SPTLC3: variants seen among roughly 807,000 people sequenced by gnomAD.
SPTLC3 encodes serine palmitoyltransferase long chain base subunit 3.
SPTLC3 carries 36 observed loss-of-function variants against 59.3 expected under a neutral mutation model. That is an observed-to-expected ratio of 0.61 (90% CI 0.47 to 0.80). The LOEUF is 0.80. Among genes scored for constraint, SPTLC3 ranks in the 30% least tolerant of loss-of-function variants. SPTLC3 has a pLI of 0.00. For missense variants in SPTLC3, 625 were observed against 685.1 expected, an observed-to-expected ratio of 0.91 and a Z score of 0.98; for synonymous variants, 257 against 240.8, an observed-to-expected ratio of 1.07 and a Z score of -0.62.
In SPTLC3 at chr20:13,019,588, T is replaced by C. The variant is rs1210791207; in HGVS notation, c.117+10204T>C. ...TGAGGAACTCTTATGACCAGCTACA[T>C]ACACTAGATTTCCTTGACTAACCCA... On this transcript the variant is annotated intron_variant, in intron 1 of 11. Coordinates refer to ENST00000399002, the MANE Select transcript of SPTLC3 (RefSeq NM_018327.4). 5.9e-5 allele frequency among the ~76,000 whole-genome samples: 9 copies of C among 152,222 alleles called. No homozygotes were observed. In the South Asian group the frequency reaches 1.4e-3, roughly 24 times the overall value.
chr20:13,087,080 G>A (rs1457861114), intron 4 of SPTLC3, among the ~76,000 whole-genome samples: 1 of 152,158 alleles, frequency 6.6e-6, no homozygotes, highest in Non-Finnish European at 1.5e-5. Flanking sequence ...ATAGGCATGA[G>A]CCACTGTGCC....
At chr20:13,052,962 G>T (rs1242743136) in intron 2 of SPTLC3, among the ~76,000 whole-genome samples, 10 of 152,206 alleles carry the variant, frequency 6.6e-5, no homozygotes. Context: ...AGCTGCAGGT[G>T]CAGCTTCAGC....
intron 9 of SPTLC3, among the ~76,000 whole-genome samples, chr20:13,143,026 G>A (rs1254451480): frequency 1.3e-5 from 2 of 152,198 alleles, no homozygotes; most frequent in Non-Finnish European, 2.9e-5. Context: ...GAAGTTTTGT[G>A]CCCTTTGTAA....
At chr20:13,116,375 G>A (rs369544510) in intron 7 of SPTLC3, among the ~76,000 whole-genome samples, 43 of 152,202 alleles carry the variant, frequency 2.8e-4, no homozygotes, top group South Asian at 1.0e-3. Flanking sequence ...GTGTGTTTTC[G>A]TACAACTTGC....
chr20:13,127,073 T>C (rs2038011298), intron 9 of SPTLC3, among the ~76,000 whole-genome samples: 1 of 152,240 alleles, frequency 6.6e-6, no homozygotes, highest in African/African-American at 2.4e-5. Flanking sequence ...AAGACCAAAG[T>C]AGCCAATTTA....
In SPTLC3 at chr20:13,076,010, TTCAC is replaced by T. The variant is rs577110304; in HGVS notation, c.607+1517_607+1520del. Among the ~76,000 whole-genome samples the T allele has an allele frequency of 4.6e-5, 7 of 152,324 alleles. No homozygotes were observed. The South Asian group carries it at 1.2e-3, about 27-fold the overall frequency. ...AGAAATGAAGGTCCCATTTGGGACT[TTCAC>T]TCAGCCCAAGTTCTTTCTCCTTCTG... On this transcript the variant is annotated intron_variant, in intron 4 of 11. Coordinates refer to ENST00000399002, the MANE Select transcript of SPTLC3 (RefSeq NM_018327.4).
At chr20:13,060,033 T>C (rs1400188227) in intron 2 of SPTLC3, among the ~76,000 whole-genome samples, 2 of 152,140 alleles carry the variant, frequency 1.3e-5, no homozygotes, top group East Asian at 3.9e-4. Flanking sequence ...CCCTCAAACC[T>C]GCAACATTTC....
chr20:13,112,384 G>T (rs570395057), intron 7 of SPTLC3, among the ~76,000 whole-genome samples: 2 of 152,286 alleles, frequency 1.3e-5, no homozygotes, highest in Admixed American at 1.3e-4. Context: ...ACAACGTGGT[G>T]CTGGCTTCCA....
chr20:13,025,907 AGT>A (rs2122408077), intron 1 of SPTLC3, among the ~76,000 whole-genome samples: 2 of 152,094 alleles, frequency 1.3e-5, no homozygotes, highest in South Asian at 4.2e-4. Flanking sequence ...ATTAGGTCCC[AGT>A]GTGTGTTGTT....
intron 1 of SPTLC3, among the ~76,000 whole-genome samples, chr20:13,027,998 T>C (rs1986243889): frequency 6.6e-6 from 1 of 152,220 alleles, no homozygotes; most frequent in African/African-American, 2.4e-5. Context: ...ACATTACGAA[T>C]GGTTAATTCT....
chr20:13,018,047 T>C (rs924907451), intron 1 of SPTLC3, among the ~76,000 whole-genome samples: 2 of 152,194 alleles, frequency 1.3e-5, no homozygotes, highest in Admixed American at 6.6e-5. Context: ...ACTTCTAAAC[T>C]GTGTGAGTGA....
chr20:13,053,449 C>T (rs1044908312), intron 2 of SPTLC3, among the ~76,000 whole-genome samples: 1 of 151,940 alleles, frequency 6.6e-6, no homozygotes, highest in East Asian at 1.9e-4. Flanking sequence ...AAAACCAGCA[C>T]AAAAAAAGGC....
At chr20:13,109,730 C>T (rs1990116072) in intron 6 of SPTLC3, among the ~76,000 whole-genome samples, 1 of 152,216 alleles carries the variant, frequency 6.6e-6, no homozygotes, top group South Asian at 2.1e-4. Flanking sequence ...CTCATGTCTA[C>T]ACGATTGATG....
intron 4 of SPTLC3, among the ~76,000 whole-genome samples, chr20:13,077,421 A>T (rs1380353630): frequency 6.6e-6 from 1 of 152,046 alleles, no homozygotes; most frequent in African/African-American, 2.4e-5. Context: ...ACATATTACC[A>T]CTAGACTTCA....
chr20:13,142,851 G>T (rs2038417952), intron 9 of SPTLC3, among the ~76,000 whole-genome samples: 1 of 152,064 alleles, frequency 6.6e-6, no homozygotes, highest in Non-Finnish European at 1.5e-5. Flanking sequence ...GTCTCATGAG[G>T]GCCCCTCCAT....
chr20:13,041,799 A>G (rs1594473), intron 1 of SPTLC3, among the ~76,000 whole-genome samples: 38,509 of 149,426 alleles, frequency 0.26, 5,948 homozygotes, highest in Middle Eastern at 0.39. Context: ...TAGATGAGCT[A>G]TTTTCATAAA....
Position 13,009,146 on chromosome 20 carries a change from G to C in SPTLC3, c.-122G>C, listed in dbSNP as rs1279044118. ...GCTCTTCTTCTGGAAAAGCCTGATTGGTAAGATTCCTTTAAGGGCTCAGCC... is the reference window on the plus strand; with the variant it reads ...GCTCTTCTTCTGGAAAAGCCTGATTCGTAAGATTCCTTTAAGGGCTCAGCC... On this transcript the variant is annotated 5_prime_UTR_variant, in exon 1 of 12. Transcript: ENST00000399002. 2 of 720,628 alleles carry C rather than the reference G, an allele frequency of 2.8e-6. No individual in the cohort carries two copies. Among genetic ancestry groups the C allele is most frequent in the Non-Finnish European group, 4.8e-6 (2 of 417,814 alleles). 44.6% of individuals were successfully genotyped at this position (720,628 alleles called of 1,614,324 possible).
intron 2 of SPTLC3, among the ~76,000 whole-genome samples, chr20:13,065,241 C>T (rs1297869591): frequency 6.8e-6 from 1 of 148,016 alleles, no homozygotes; most frequent in African/African-American, 2.5e-5. Flanking sequence ...TAATGCCTTT[C>T]ACTGTGATTG....
At chr20:13,027,157 A>G (rs752276369) in intron 1 of SPTLC3, among the ~76,000 whole-genome samples, 4 of 152,214 alleles carry the variant, frequency 2.6e-5, no homozygotes, top group Non-Finnish European at 5.9e-5. Flanking sequence ...AACCTTCCAA[A>G]TAAACAGGTT....
Sources: gnomAD v4.1 joint callset for allele counts (sites outside exome capture counted in the v4.1 genomes callset) on GRCh38, gnomAD v4.1.1 for gene constraint, MANE v1.5 for transcripts, NCBI Gene and HGNC (gene_info 2026-07-23, HGNC 2026-07-21) for gene names.